POGLUT2: variants seen among roughly 807,000 people sequenced by gnomAD.
The protein encoded by POGLUT2 is protein O-glucosyltransferase 2.
Under a neutral mutation model 57.6 loss-of-function variants are expected in POGLUT2, and 47 were observed. The observed-to-expected ratio is 0.82, with a 90% CI of 0.65 to 1.04. POGLUT2 has a LOEUF of 1.04. POGLUT2 is among the 50% of genes least tolerant of loss of function. The pLI is 0.00. For synonymous variants in POGLUT2, 200 were observed against 218.8 expected (o/e 0.91, Z 0.76); for missense variants, 565 against 614.8 (o/e 0.92, Z 0.86).
chr13:102,793,469 T>C, intron 3 of POGLUT2, 51 bp from the exon 4 acceptor site: 1 of 1,350,186 alleles, frequency 7.4e-7, no homozygotes, highest in Non-Finnish European at 1.1e-6. Context: ...GCTGGCAGAC[T>C]TCACTGAGGA....
chr13:102,787,085 C>T (rs1230731839), intron 8 of POGLUT2, among the ~76,000 whole-genome samples: 1 of 151,548 alleles, frequency 6.6e-6, no homozygotes, highest in Non-Finnish European at 1.5e-5. Context: ...TCACTCTTGT[C>T]ACCCAGGCTG....
At position 102,793,411 on chromosome 13, in the gene POGLUT2, A is replaced by G; in HGVS notation, c.602T>C (p.Ile201Thr). ...ACCTACATGTTCACCATGAGTCTTG[A>G]TATAAACCTAAAAGAGAATTTACCA... ...HYTLKDNKVY[I>T]KTHGEHVGFR... is the part of the protein sequence containing the mutation. The change falls in exon 4 of 10, where the codon ATC becomes ACC. Residue 201 changes from isoleucine to threonine, a missense_variant. Ile to Thr is a moderately conservative substitution (Grantham distance 89). Coordinates refer to ENST00000376004, the MANE Select transcript of POGLUT2 (RefSeq NM_024089.3). The G allele has an allele frequency of 6.3e-7, 1 of 1,584,220 alleles. No individual in the cohort carries two copies. The highest frequency in any genetic ancestry group is 8.7e-7 in the Non-Finnish European group (1 of 1,154,436).
intron 9 of POGLUT2, among the ~76,000 whole-genome samples, chr13:102,785,325 C>T (rs1212613184): frequency 6.6e-6 from 1 of 152,094 alleles, no homozygotes; most frequent in Non-Finnish European, 1.5e-5. Context: ...CCTTTTACAC[C>T]TCCTTGAGAG....
rs759331830 is a variant in POGLUT2 at position 102,786,265 on chromosome 13, G to A, written c.1458C>T (p.Asp486=). The A allele has an allele frequency of 9.9e-6, 16 of 1,613,576 alleles. No homozygotes were observed. The Middle Eastern group carries it at 4.9e-4, about 50-fold the overall frequency. The change falls in exon 9 of 10, where the codon GAC becomes GAT. Residue 486 remains aspartate, a synonymous_variant. Coordinates refer to ENST00000376004, the MANE Select transcript of POGLUT2 (RefSeq NM_024089.3). ...GMKRVEPQTE[D]DLFPCTCHRK... ...TATGGCAAGTACAAGGGAAGAGGTC[G>A]TCCTCAGTCTGTGGTTCTACCCTTT... is the stretch of plus-strand genomic sequence containing the variant.
At position 102,798,921 on chromosome 13, in the gene POGLUT2, C is replaced by A; in HGVS notation, c.-251G>T. On this transcript the variant is annotated 5_prime_UTR_variant, in exon 1 of 10. Coordinates refer to ENST00000376004, the MANE Select transcript of POGLUT2 (RefSeq NM_024089.3). ...TGTCCCGGCCGAGAACCGCGCTGCT[C>A]CTCTCTCTCAGGACAATGATGAACT... 2.2e-6 allele frequency: 1 copy of A among 464,840 alleles called. No individual in the cohort carries two copies. The highest frequency in any genetic ancestry group is 4.3e-5 in the South Asian group (1 of 23,230). The allele number at this position is 464,840 out of a possible 1,614,324, so 28.8% of individuals were successfully genotyped here. A position where few individuals can be genotyped will look rare whatever the true frequency, so the allele number is the denominator to read the frequency against.
At position 102,791,277 on chromosome 13, in the gene POGLUT2, C is replaced by T. The variant is rs373877959; in HGVS notation, c.826G>A (p.Val276Ile). The change falls in exon 5 of 10, where the codon GTT becomes ATT. Residue 276 changes from valine (V) to isoleucine (I), a missense_variant. Transcript: ENST00000376004. The stretch of plus-strand genomic sequence containing the variant: ...TCTCACCGGCCCATGGTTTCCAGAA[C>T]AGAATCAGTCAAATCGTACGTAGGC... ...VMPTYDLTDS[V>I]LETMGRVSLD... The T allele has an allele frequency of 1.0e-4, 161 of 1,605,422 alleles. No homozygotes were observed. Among genetic ancestry groups the T allele is most frequent in the Non-Finnish European group, 1.3e-4 (154 of 1,177,428 alleles).
At chr13:102,793,112 C>T (rs1878246190) in intron 4 of POGLUT2, 4 of 450,212 alleles carry the variant, frequency 8.9e-6, no homozygotes, top group Non-Finnish European at 1.6e-5. Flanking sequence ...TCCATAACTG[C>T]CAGAGAATAC....
At chr13:102,791,525 G>T in intron 4 of POGLUT2, 95 bp from the exon 5 acceptor site, 1 of 1,147,478 alleles carries the variant, frequency 8.7e-7, no homozygotes, top group Non-Finnish European at 1.2e-6. Flanking sequence ...TTAATGAAAG[G>T]CCAATGTTAC....
chr13:102,790,864 G>T, intron 6 of POGLUT2, 37 bp downstream of exon 6: 1 of 1,385,584 alleles, frequency 7.2e-7, no homozygotes, highest in Non-Finnish European at 1.0e-6. Flanking sequence ...AAATACATTA[G>T]AAAAACAAAA....
Position 102,787,859 on chromosome 13 carries a change from AAT to A in POGLUT2, c.1356_1357del (p.Phe453LeufsTer17). 1 of 1,587,788 alleles carries A rather than the reference AAT, an allele frequency of 6.3e-7. No individual in the cohort carries two copies. The highest frequency in any genetic ancestry group is 8.6e-7 in the Non-Finnish European group (1 of 1,161,914). ...CTGGAAAAGTTTGAAATAATAACAGAATATGTCATCGCCCATGAGATTATTTC... is the reference window on the plus strand; with the variant it reads ...CTGGAAAAGTTTGAAATAATAACAGAATGTCATCGCCCATGAGATTATTTC... On this transcript the variant is annotated frameshift_variant, in exon 8 of 10. Coordinates refer to ENST00000376004, the MANE Select transcript of POGLUT2 (RefSeq NM_024089.3). LOFTEE classifies it high-confidence loss of function.
chr13:102,793,710 C>G lies in POGLUT2; in HGVS notation c.485G>C (p.Arg162Thr), dbSNP rs774757152. ...NCPETIAQIQ[R>T]DLAHFPAVDP... Reference sequence around the variant, plus strand: ...CACAGCAGGGAAATGTGCCAGATCTCTCTGAATCTGAGCAATGGTTTCAGG... The same window carrying G: ...CACAGCAGGGAAATGTGCCAGATCTGTCTGAATCTGAGCAATGGTTTCAGG... The change falls in exon 3 of 10, where the codon AGA (arginine) becomes ACA (threonine). Residue 162 changes from arginine to threonine, a missense_variant. Physicochemically the swap from Arg to Thr is moderately conservative, Grantham distance 71 (BLOSUM62 -1). Coordinates refer to ENST00000376004, the MANE Select transcript of POGLUT2 (RefSeq NM_024089.3). The G allele has an allele frequency of 4.3e-6, 7 of 1,614,044 alleles. No individual in the cohort carries two copies. In the East Asian group the frequency reaches 6.7e-5, roughly 15 times the overall value.
At chr13:102,798,397 T>C in intron 1 of POGLUT2, 92 bp downstream of exon 1, 2 of 1,203,858 alleles carry the variant, frequency 1.7e-6, no homozygotes, top group Non-Finnish European at 2.3e-6. Flanking sequence ...TAAACTGCTG[T>C]GGAGAAACGA....
intron 1 of POGLUT2, 23 bp from the exon 2 acceptor site, chr13:102,797,032 G>T (rs757569585): frequency 1.3e-6 from 2 of 1,541,190 alleles, no homozygotes; most frequent in African/African-American, 1.4e-5. Flanking sequence ...GGCAATGGGG[G>T]AGATAAACAG....
chr13:102,786,771 T>C (rs1232305054), intron 8 of POGLUT2, among the ~76,000 whole-genome samples: 3 of 152,202 alleles, frequency 2.0e-5, no homozygotes, highest in Non-Finnish European at 4.4e-5. Context: ...CTATGCTAAA[T>C]GAATGAACAC....
Position 102,798,880 on chromosome 13 carries a change from T to C in POGLUT2, c.-210A>G. On this transcript the variant is annotated 5_prime_UTR_variant, in exon 1 of 10. Coordinates refer to ENST00000376004, the MANE Select transcript of POGLUT2 (RefSeq NM_024089.3). ...GTGCCCCGGCGCGCCCAGGTGAGGG[T>C]CCCCTGGCGTTCTGCTGTCCCGGCC... 1 of 490,720 alleles carries C rather than the reference T, an allele frequency of 2.0e-6. No homozygotes were observed. The highest frequency in any genetic ancestry group is 3.6e-6 in the Non-Finnish European group (1 of 280,522). The allele number at this position is 490,720 out of a possible 1,614,324, so 30.4% of individuals were successfully genotyped here.
chr13:102,791,015 A>C lies in POGLUT2; in HGVS notation c.969T>G (p.Ser323Arg). 6.2e-7 allele frequency: 1 copy of C among 1,614,156 alleles called. No homozygotes were observed. The highest frequency in any genetic ancestry group is 8.5e-7 in the Non-Finnish European group (1 of 1,179,998). Residue 323 changes from serine (S) to arginine (R), a missense_variant, in exon 6 of 10, where the codon AGT becomes AGG. Physicochemically the swap from Ser to Arg is moderately radical, Grantham distance 110 (BLOSUM62 -1). Transcript: ENST00000376004. Reference protein sequence around the residue: ...RKERLELVKLSRKHPELIDAA... With the variant: ...RKERLELVKLRRKHPELIDAA... ...CGTCTATGAGTTCTGGGTGTTTTCT[A>C]CTGAGTTTAACCAGCTCGAGTCTCT...
intron 7 of POGLUT2, among the ~76,000 whole-genome samples, chr13:102,788,537 A>T (rs1293740727): frequency 6.6e-6 from 1 of 152,160 alleles, no homozygotes; most frequent in Non-Finnish European, 1.5e-5. Context: ...CCCAGGCTGG[A>T]GTGCAATGGT....
At chr13:102,785,901 G>C (rs1324897585) in intron 9 of POGLUT2, among the ~76,000 whole-genome samples, 3 of 152,178 alleles carry the variant, frequency 2.0e-5, no homozygotes, top group Admixed American at 2.0e-4. Context: ...TATCTCATGA[G>C]GAGATGAGGG....
Position 102,787,818 on chromosome 13 carries a change from C to G in POGLUT2, c.1383+16G>C. On this transcript the variant is annotated intron_variant, in intron 8 of 9. Coordinates refer to ENST00000376004, the MANE Select transcript of POGLUT2 (RefSeq NM_024089.3). Reference sequence around the variant, plus strand: ...TACTTATAAGTTACGTGATGATTTTCTTGGAAAATACTGACCTGGAAAAGT... The same window carrying G: ...TACTTATAAGTTACGTGATGATTTTGTTGGAAAATACTGACCTGGAAAAGT... 1 of 1,428,808 alleles carries G rather than the reference C, an allele frequency of 7.0e-7. No homozygotes were observed. The highest frequency in any genetic ancestry group is 9.6e-7 in the Non-Finnish European group (1 of 1,039,466). The allele number at this position is 1,428,808 out of a possible 1,614,324, so 88.5% of individuals were successfully genotyped here. A position where few individuals can be genotyped will look rare whatever the true frequency, so the allele number is the denominator to read the frequency against.
Sources: gnomAD v4.1 joint callset for allele counts (sites outside exome capture counted in the v4.1 genomes callset) on GRCh38, gnomAD v4.1.1 for gene constraint, MANE v1.5 for transcripts, NCBI Gene and HGNC (gene_info 2026-07-23, HGNC 2026-07-21) for gene names.